CSNK2A2IP: variants seen among roughly 807,000 people sequenced by gnomAD.
CSNK2A2IP encodes casein kinase 2 subunit alpha' interacting protein, also known as casein kinase II subunit alpha'-interacting protein.
chr3:88,339,267 A>AT, the CSNK2A2IP span, among the ~76,000 whole-genome samples: 61,459 of 149,356 alleles, frequency 0.41, 14,286 homozygotes, highest in South Asian at 0.6. Context: ...TCATGAGTTC[A>AT]TTTTTTTTTT....
chr3:88,415,638 G>A, the CSNK2A2IP span, among the ~76,000 whole-genome samples: 1 of 151,970 alleles, frequency 6.6e-6, no homozygotes, highest in East Asian at 1.9e-4. Context: ...TATCTGCTGT[G>A]CCAAACTTTA....
At chr3:88,428,062 C>A in the CSNK2A2IP span, among the ~76,000 whole-genome samples, 5 of 152,206 alleles carry the variant, frequency 3.3e-5, no homozygotes, top group African/African-American at 1.2e-4. Flanking sequence ...AGGGGTAGAG[C>A]TGCACAAGAC....
the CSNK2A2IP span, among the ~76,000 whole-genome samples, chr3:88,370,533 T>C: frequency 7.2e-5 from 11 of 151,822 alleles, no homozygotes; most frequent in Non-Finnish European, 1.3e-4. Flanking sequence ...GAAGGGACAC[T>C]TCATGGCCTT....
At chr3:88,343,263 C>T in the CSNK2A2IP span, 1 of 152,244 alleles carries the variant, frequency 6.6e-6, no homozygotes, top group African/African-American at 2.4e-5. Flanking sequence ...TTTTTCATTT[C>T]CTTTTGACAA....
chr3:88,392,822 G>A, the CSNK2A2IP span, among the ~76,000 whole-genome samples: 9 of 152,148 alleles, frequency 5.9e-5, no homozygotes, highest in Non-Finnish European at 1.2e-4. Context: ...ATTGGGTTGA[G>A]GACAGATGCT....
the CSNK2A2IP span, among the ~76,000 whole-genome samples, chr3:88,360,961 A>C: frequency 6.6e-6 from 1 of 152,220 alleles, no homozygotes; most frequent in Non-Finnish European, 1.5e-5. Context: ...CAACAAAAAA[A>C]CAAGCAAAGA....
chr3:88,397,004 G>A, the CSNK2A2IP span, among the ~76,000 whole-genome samples: 1 of 152,112 alleles, frequency 6.6e-6, no homozygotes. Context: ...GAGGGATGGC[G>A]TCAGTGTGCC....
chr3:88,424,765 G>A, the CSNK2A2IP span, among the ~76,000 whole-genome samples: 1 of 151,692 alleles, frequency 6.6e-6, no homozygotes, highest in African/African-American at 2.4e-5. Context: ...CTGTTTACCA[G>A]TTATGCCTTT....
At chr3:88,442,113 T>A in the CSNK2A2IP span, among the ~76,000 whole-genome samples, 11 of 152,208 alleles carry the variant, frequency 7.2e-5, no homozygotes, top group Non-Finnish European at 7.3e-5. Flanking sequence ...TGGATTAGAA[T>A]TTGTGTGTGT....
the CSNK2A2IP span, among the ~76,000 whole-genome samples, chr3:88,412,592 G>A: frequency 1.2e-4 from 18 of 152,058 alleles, no homozygotes; most frequent in African/African-American, 4.3e-4. Context: ...GTGGGAATAG[G>A]AGCACAGTCT....
At chr3:88,431,821 A>C in the CSNK2A2IP span, among the ~76,000 whole-genome samples, 1 of 152,134 alleles carries the variant, frequency 6.6e-6, no homozygotes, top group Non-Finnish European at 1.5e-5. Context: ...GAAGCAAGTA[A>C]AAATGTGGCA....
At chr3:88,453,165 T>G in the CSNK2A2IP span, among the ~76,000 whole-genome samples, 2 of 152,126 alleles carry the variant, frequency 1.3e-5, no homozygotes, top group African/African-American at 4.8e-5. Flanking sequence ...CTTATGAAGT[T>G]GGTTCCCAAA....
the CSNK2A2IP span, among the ~76,000 whole-genome samples, chr3:88,353,973 T>C: frequency 2.6e-5 from 4 of 152,202 alleles, no homozygotes; most frequent in Admixed American, 6.5e-5. Flanking sequence ...CACAGGTTGT[T>C]GCAGTCCTTG....
the CSNK2A2IP span, among the ~76,000 whole-genome samples, chr3:88,384,736 T>C: frequency 6.6e-6 from 1 of 152,122 alleles, no homozygotes; most frequent in Non-Finnish European, 1.5e-5. Context: ...GATAGAGACA[T>C]GCTATTTTTC....
chr3:88,446,034 CTTTCTTTCTTTCTT>C, the CSNK2A2IP span, among the ~76,000 whole-genome samples: 239 of 22,076 alleles, frequency 0.011, 11 homozygotes, highest in African/African-American at 0.037. Flanking sequence ...TGTTTCTTTT[CTTTCTTTCTTTCTT>C]TCTTTCTTTC....
the CSNK2A2IP span, among the ~76,000 whole-genome samples, chr3:88,425,484 A>G: frequency 6.6e-6 from 1 of 152,130 alleles, no homozygotes. Context: ...CTACTATCAT[A>G]GCTTAAATAT....
At chr3:88,370,383 G>A in the CSNK2A2IP span, among the ~76,000 whole-genome samples, 4 of 151,840 alleles carry the variant, frequency 2.6e-5, no homozygotes, top group Non-Finnish European at 4.4e-5. Context: ...GGTTGGACTA[G>A]CAGTGGCTAG....
At chr3:88,371,646 G>A in the CSNK2A2IP span, among the ~76,000 whole-genome samples, 11 of 151,878 alleles carry the variant, frequency 7.2e-5, no homozygotes, top group South Asian at 2.1e-3. Flanking sequence ...TTCCAGAGAT[G>A]ATGGCAGAAA....
At chr3:88,449,874 TAGAG>T in the CSNK2A2IP span, among the ~76,000 whole-genome samples, 4 of 70,114 alleles carry the variant, frequency 5.7e-5, no homozygotes, top group South Asian at 6.5e-4. Context: ...TATATATATA[TAGAG>T]AGAGAGAGAG....
Sources: gnomAD v4.1 joint callset for allele counts (sites outside exome capture counted in the v4.1 genomes callset) on GRCh38, gnomAD v4.1.1 for gene constraint, MANE v1.5 for transcripts, NCBI Gene and HGNC (gene_info 2026-07-23, HGNC 2026-07-21) for gene names.